The following SERGEF variants were observed in gnomAD, a reference collection of about 807,000 sequenced individuals.
SERGEF encodes the protein secretion regulating guanine nucleotide exchange factor.
Under a neutral mutation model 50.0 loss-of-function variants are expected in SERGEF, and 51 were observed. That is an observed-to-expected ratio of 1.02 (90% confidence interval 0.81 to 1.29). SERGEF has a LOEUF of 1.29. Ranked by LOEUF, SERGEF falls within the 50% of genes most tolerant of loss-of-function variation. The pLI is 0.00. For synonymous variants in SERGEF, 205 were observed against 212.4 expected (o/e 0.97, Z 0.30); for missense variants, 521 against 557.0 (o/e 0.94, Z 0.65).
chr11:17,991,955 A>G lies in SERGEF; in HGVS notation c.685+976T>C, dbSNP rs1305114435. Among the ~76,000 whole-genome samples, 1 of 152,226 alleles carries G rather than the reference A, an allele frequency of 6.6e-6. No homozygotes were observed. ...GAGAGGTCTTACCAAACAAAATATT[A>G]TAAATCTCTCAGATGTATAGTCTCC... is the stretch of plus-strand genomic sequence containing the variant. On this transcript the variant is annotated intron_variant, in intron 7 of 10. Coordinates refer to ENST00000265965, the MANE Select transcript of SERGEF (RefSeq NM_012139.4). This position sits in a 1 kb window ranked among gnomAD's most constrained non-coding sequence, Gnocchi z 4.9.
intron 8 of SERGEF, among the ~76,000 whole-genome samples, chr11:17,988,010 A>C (rs1853635779): frequency 1.3e-5 from 2 of 152,238 alleles, no homozygotes. Context: ...GGAAAGTAGA[A>C]CTGCCCTAAG....
rs373360813 is a variant in SERGEF at position 17,992,127 on chromosome 11, G to A, written c.685+804C>T. ...GTGTTTCAAATGGAAGGATGAATGC[G>A]CAGCCAAAGAGAGAGATATAGTGTA... is the stretch of plus-strand genomic sequence containing the variant. On this transcript the variant is annotated intron_variant, in intron 7 of 10. Coordinates refer to ENST00000265965, the MANE Select transcript of SERGEF (RefSeq NM_012139.4). 4.6e-5 allele frequency among the ~76,000 whole-genome samples: 7 copies of A among 152,182 alleles called. No individual in the cohort carries two copies. The East Asian group carries it at 7.7e-4, about 17-fold the overall frequency.
chr11:17,830,369 A>G (rs1292739852), intron 10 of SERGEF, among the ~76,000 whole-genome samples: 1 of 152,210 alleles, frequency 6.6e-6, no homozygotes, highest in Non-Finnish European at 1.5e-5. Flanking sequence ...TTGGTGTCTT[A>G]GTACATTTTG....
intron 10 of SERGEF, among the ~76,000 whole-genome samples, chr11:17,789,334 G>A (rs887903960): frequency 3.3e-5 from 5 of 152,182 alleles, no homozygotes; most frequent in Non-Finnish European, 4.4e-5. Flanking sequence ...TCTGTGGTGA[G>A]GGAAGAAGCG....
At chr11:17,862,755 C>A (rs142210889) in intron 10 of SERGEF, among the ~76,000 whole-genome samples, 86 of 152,258 alleles carry the variant, frequency 5.6e-4, no homozygotes, top group African/African-American at 2.0e-3. Flanking sequence ...GCTGCCCAGG[C>A]TCAGGAAGCT....
chr11:17,988,908 G>A (rs1013736413), intron 7 of SERGEF, among the ~76,000 whole-genome samples, 153 bp from the exon 8 acceptor site: 2 of 152,168 alleles, frequency 1.3e-5, no homozygotes, highest in African/African-American at 2.4e-5. Context: ...CAAAATTTGT[G>A]TACACCATAA....
At chr11:17,942,010 G>A (rs1418444720) in intron 9 of SERGEF, among the ~76,000 whole-genome samples, 5 of 133,718 alleles carry the variant, frequency 3.7e-5, no homozygotes, top group Non-Finnish European at 6.6e-5. Context: ...AGACCTTGTA[G>A]ATTTATAGCA....
At chr11:17,968,691 AAG>A (rs1174061882) in intron 8 of SERGEF, among the ~76,000 whole-genome samples, 1 of 147,192 alleles carries the variant, frequency 6.8e-6, no homozygotes, top group Non-Finnish European at 1.5e-5. Context: ...GTGACAGAAC[AAG>A]AACCTGTCTC....
chr11:17,817,214 T>C (rs1849991615), intron 10 of SERGEF, among the ~76,000 whole-genome samples: 1 of 34,276 alleles, frequency 2.9e-5, no homozygotes, highest in African/African-American at 1.1e-4. Context: ...TTTCCATGTA[T>C]TTTTTTTTTT....
At chr11:17,914,937 G>T (rs12290125) in intron 9 of SERGEF, among the ~76,000 whole-genome samples, 23,237 of 152,194 alleles carry the variant, frequency 0.15, 1,964 homozygotes, top group East Asian at 0.25. Context: ...ATAAGTGCCA[G>T]TAAAAGCAGG....
chr11:17,956,493 C>A (rs545557433), intron 9 of SERGEF, among the ~76,000 whole-genome samples: 1 of 152,288 alleles, frequency 6.6e-6, no homozygotes, highest in East Asian at 1.9e-4. Context: ...ATCATGAAGA[C>A]AAAATAATAT....
chr11:17,901,105 A>T (rs1301365914), intron 9 of SERGEF, among the ~76,000 whole-genome samples: 5 of 151,168 alleles, frequency 3.3e-5, no homozygotes, highest in African/African-American at 4.9e-5. Flanking sequence ...CCATCATTGT[A>T]GTTACCTCAG....
chr11:17,818,052 G>GA (rs1175840041), intron 10 of SERGEF, among the ~76,000 whole-genome samples: 1 of 152,166 alleles, frequency 6.6e-6, no homozygotes, highest in African/African-American at 2.4e-5. Flanking sequence ...CTTGAGGATT[G>GA]GGAGAGCCAG....
intron 10 of SERGEF, among the ~76,000 whole-genome samples, chr11:17,868,091 T>C (rs760162831): frequency 1.7e-4 from 26 of 152,236 alleles, no homozygotes; most frequent in Non-Finnish European, 3.2e-4. Flanking sequence ...TCCTTGTTAC[T>C]TATGCAAATT....
At chr11:17,988,467 T>A in intron 8 of SERGEF, 130 bp downstream of exon 8, 1 of 823,440 alleles carries the variant, frequency 1.2e-6, no homozygotes, top group Non-Finnish European at 1.8e-6. Flanking sequence ...CAGAACTAGA[T>A]CCCAGTATCC....
rs527495120 is a variant in SERGEF at position 17,789,185 on chromosome 11, C to T, written c.1049-772G>A. Among the ~76,000 whole-genome samples the T allele has an allele frequency of 5.4e-4, 83 of 152,322 alleles. 1 individual carries two copies. Among genetic ancestry groups the T allele is most frequent in the African/African-American group, 1.8e-3 (76 of 41,572 alleles). On this transcript the variant is annotated intron_variant, in intron 10 of 10. Coordinates refer to ENST00000265965, the MANE Select transcript of SERGEF (RefSeq NM_012139.4). ...TTCCATTCCAGTTGTCGCTCAGAGG[C>T]CAGGGTCCCTGACCACCCAATCCAA... is the stretch of plus-strand genomic sequence containing the variant.
intron 10 of SERGEF, among the ~76,000 whole-genome samples, chr11:17,796,035 A>G (rs1333682048): frequency 6.6e-6 from 1 of 152,224 alleles, no homozygotes; most frequent in African/African-American, 2.4e-5. Flanking sequence ...ATATATTTTT[A>G]TATGTACAAA....
chr11:17,915,303 G>A (rs1390061443), intron 9 of SERGEF, among the ~76,000 whole-genome samples: 1 of 152,140 alleles, frequency 6.6e-6, no homozygotes, highest in Non-Finnish European at 1.5e-5. Context: ...AAGTTATTTT[G>A]ATGGCATATT....
chr11:17,800,215 A>G (rs937104366), intron 10 of SERGEF, among the ~76,000 whole-genome samples: 1 of 152,200 alleles, frequency 6.6e-6, no homozygotes, highest in Non-Finnish European at 1.5e-5. Context: ...AATTAAGCAG[A>G]AAGTATGGAC....
Sources: allele counts gnomAD v4.1 joint callset (sites outside exome capture counted in the v4.1 genomes callset), GRCh38; gene constraint gnomAD v4.1.1; non-coding constraint Gnocchi (gnomAD v3.1); transcripts MANE v1.5; gene names NCBI Gene and HGNC (gene_info 2026-07-23, HGNC 2026-07-21).